GLRX3: variants seen among roughly 807,000 people sequenced by gnomAD.
The protein encoded by GLRX3 is glutaredoxin 3, also known as glutaredoxin-3.
A neutral mutation model predicts 49.5 loss-of-function variants in GLRX3; 22 were observed. The observed-to-expected ratio is 0.44, with a 90% confidence interval of 0.32 to 0.63. The LOEUF (loss-of-function observed/expected upper bound fraction) is 0.63, where lower values mean the gene tolerates loss of function less well. Among genes scored for constraint, GLRX3 ranks in the 30% least tolerant of loss-of-function variants. GLRX3 has a pLI of 0.05. For synonymous variants in GLRX3, 133 were observed against 140.0 expected (o/e 0.95, Z 0.35); for missense variants, 385 against 396.3 (o/e 0.97, Z 0.24).
chr10:130,138,786 A>G (rs1013227424), intron 1 of GLRX3, among the ~76,000 whole-genome samples: 10 of 150,056 alleles, frequency 6.7e-5, no homozygotes, highest in Admixed American at 2.0e-4. Flanking sequence ...TCTGTTTTAC[A>G]TGTTTGTTTT....
chr10:130,179,313 ATATTAT>A (rs757654750), intron 10 of GLRX3, 23 bp from the exon 11 acceptor site: 9 of 1,032,670 alleles, frequency 8.7e-6, no homozygotes, highest in Admixed American at 7.7e-5. Flanking sequence ...ATGCATATAC[ATATTAT>A]TATTGTTGTT....
At chr10:130,169,303 G>A (rs1316573891) in intron 6 of GLRX3, 130 bp from the exon 7 acceptor site, 2 of 666,198 alleles carry the variant, frequency 3.0e-6, no homozygotes, top group Non-Finnish European at 5.5e-6. Flanking sequence ...GCATTTGCTT[G>A]TTTAATACCA....
At chr10:130,138,861 T>C (rs1386820073) in intron 1 of GLRX3, among the ~76,000 whole-genome samples, 5 of 148,372 alleles carry the variant, frequency 3.4e-5, no homozygotes, top group Non-Finnish European at 6.0e-5. Flanking sequence ...TTTTTTTTTT[T>C]TTTTTTTGGG....
At chr10:130,155,268 G>T (rs1203479130) in intron 2 of GLRX3, among the ~76,000 whole-genome samples, 2 of 152,178 alleles carry the variant, frequency 1.3e-5, no homozygotes, top group South Asian at 4.1e-4. Context: ...GGTTGGAGTG[G>T]CAGGCAGGGG....
chr10:130,171,439 G>C (rs554269777), intron 7 of GLRX3, 145 bp from the exon 8 acceptor site: 4 of 634,872 alleles, frequency 6.3e-6, no homozygotes, highest in Admixed American at 4.9e-5. Context: ...CTTGAAGAGG[G>C]GATGAGCAGA....
At chr10:130,153,354 G>A (rs1456387947) in intron 2 of GLRX3, among the ~76,000 whole-genome samples, 1 of 152,194 alleles carries the variant, frequency 6.6e-6, no homozygotes, top group Non-Finnish European at 1.5e-5. Flanking sequence ...GCAAGGAGTT[G>A]CGTTCCTTTG....
At chr10:130,150,823 C>T (rs1365958075) in intron 2 of GLRX3, among the ~76,000 whole-genome samples, 1 of 151,862 alleles carries the variant, frequency 6.6e-6, no homozygotes, top group Non-Finnish European at 1.5e-5. Context: ...TTTTCAGTGG[C>T]AGAGAATGTT....
At chr10:130,150,374 T>C (rs7097911) in intron 2 of GLRX3, among the ~76,000 whole-genome samples, 2,899 of 152,212 alleles carry the variant, frequency 0.019, 104 homozygotes, top group African/African-American at 0.067. Context: ...CATAGTATAC[T>C]CATTTTACCA....
At chr10:130,146,094 T>C (rs958805644) in intron 2 of GLRX3, among the ~76,000 whole-genome samples, 1 of 151,576 alleles carries the variant, frequency 6.6e-6, no homozygotes, top group African/African-American at 2.4e-5. Flanking sequence ...CCTGGCCAAA[T>C]GTACACTTTT....
In GLRX3 at chr10:130,150,803, G is replaced by A. The variant is rs140987786; in HGVS notation, c.201+5484G>A. ...ATAACCAGGTGCATGCTAACTAGTGGAATTAAAATTTTTCAGTGGCAGAGA... is the reference window on the plus strand; with the variant it reads ...ATAACCAGGTGCATGCTAACTAGTGAAATTAAAATTTTTCAGTGGCAGAGA... On this transcript the variant is annotated intron_variant, in intron 2 of 10. Transcript: ENST00000331244. 5.8e-4 allele frequency among the ~76,000 whole-genome samples: 89 copies of A among 152,240 alleles called. 2 individuals are homozygous for A. In the East Asian group the frequency reaches 0.017, roughly 28 times the overall value.
chr10:130,169,778 T>C (rs1862769425), intron 7 of GLRX3, among the ~76,000 whole-genome samples: 1 of 152,248 alleles, frequency 6.6e-6, no homozygotes, highest in Non-Finnish European at 1.5e-5. Flanking sequence ...TGTTATGTCA[T>C]TATCCTTTGT....
rs369043581 is a variant in GLRX3 at position 130,140,071 on chromosome 10, A to G, written c.92+3559A>G. On this transcript the variant is annotated intron_variant, in intron 1 of 10. Transcript: ENST00000331244. Reference sequence around the variant, plus strand: ...TTAAGTAGTTGAATCAGATATTTACATAAGTTGCTGAAATCTCAGCTGGTT... The same window carrying G: ...TTAAGTAGTTGAATCAGATATTTACGTAAGTTGCTGAAATCTCAGCTGGTT... 7.0e-4 allele frequency among the ~76,000 whole-genome samples: 106 copies of G among 152,390 alleles called. 1 individual carries two copies. In the South Asian group the frequency reaches 0.02, roughly 29 times the overall value.
chr10:130,176,470 C>T (rs554110207), intron 10 of GLRX3, among the ~76,000 whole-genome samples: 1 of 152,244 alleles, frequency 6.6e-6, no homozygotes, highest in Admixed American at 6.5e-5. Flanking sequence ...ACTAGCCTAC[C>T]ACTGAAATGA....
chr10:130,143,536 A>T (rs542659573), intron 1 of GLRX3, among the ~76,000 whole-genome samples: 1 of 147,416 alleles, frequency 6.8e-6, no homozygotes, highest in African/African-American at 2.5e-5. Context: ...AATGTTTAGA[A>T]TTTTTTTTTT....
intron 10 of GLRX3, among the ~76,000 whole-genome samples, chr10:130,175,520 G>T (rs1199285541): frequency 6.6e-6 from 1 of 152,112 alleles, no homozygotes; most frequent in Non-Finnish European, 1.5e-5. Flanking sequence ...TCCCCCGAAA[G>T]AAAAAATGTA....
chr10:130,178,766 G>A (rs957325160), intron 10 of GLRX3, among the ~76,000 whole-genome samples: 1 of 152,148 alleles, frequency 6.6e-6, no homozygotes, highest in African/African-American at 2.4e-5. Context: ...GCAATGGCAC[G>A]ATCTTGGCTC....
chr10:130,139,019 G>A (rs12266864), intron 1 of GLRX3, among the ~76,000 whole-genome samples: 15,117 of 151,486 alleles, frequency 0.1, 765 homozygotes, highest in Middle Eastern at 0.13. Flanking sequence ...CCGCCACCAC[G>A]CCTGGCTAAT....
At chr10:130,163,822 C>T (rs756581355) in intron 4 of GLRX3, among the ~76,000 whole-genome samples, 2 of 152,210 alleles carry the variant, frequency 1.3e-5, no homozygotes, top group Admixed American at 6.5e-5. Context: ...GTAGGCAAAG[C>T]TCCCTTTATA....
chr10:130,155,779 G>T (rs1292443470), intron 2 of GLRX3, among the ~76,000 whole-genome samples: 2 of 152,162 alleles, frequency 1.3e-5, no homozygotes, highest in Non-Finnish European at 2.9e-5. Flanking sequence ...AGGAGAATGA[G>T]TGTGGATAGG....
Sources: gnomAD v4.1 joint callset for allele counts (sites outside exome capture counted in the v4.1 genomes callset) on GRCh38, gnomAD v4.1.1 for gene constraint, MANE v1.5 for transcripts, NCBI Gene and HGNC (gene_info 2026-07-23, HGNC 2026-07-21) for gene names.